Variants in CHD5 observed in about 807,000 individuals in gnomAD.
CHD5 encodes the protein ATP-dependent chromatin remodeler CHD5.
CHD5 carries 69 observed loss-of-function variants against 230.3 expected under a neutral mutation model. That is an observed-to-expected ratio of 0.30 (90% CI 0.25 to 0.37). CHD5 has a LOEUF of 0.37. CHD5 is among the 10% of genes least tolerant of loss of function. The pLI, the probability that CHD5 is intolerant of heterozygous loss-of-function variation, is 1.00. For missense variants in CHD5, 1,827 were observed against 2,622.8 expected (o/e 0.70, Z 6.63); for synonymous variants, 1,064 against 1,065.9 (o/e 1.00, Z 0.03).
In CHD5 at chr1:6,167,811, C is replaced by T. The variant is rs957352610; in HGVS notation, c.207+339G>A. On this transcript the variant is annotated intron_variant, in intron 2 of 41. Coordinates refer to ENST00000262450, the MANE Select transcript of CHD5 (RefSeq NM_015557.3). The surrounding 1 kb of genome is among the most constrained non-coding windows in gnomAD (Gnocchi z 4.5). ...TTCATCAGGTTTCAGTTTAGAGGGA[C>T]GGAGTCAGCTACAGAGCAGGGAGTG... is the stretch of plus-strand genomic sequence containing the variant. 2.0e-5 allele frequency among the ~76,000 whole-genome samples: 3 copies of T among 152,116 alleles called. No individual in the cohort carries two copies. Among genetic ancestry groups the T allele is most frequent in the Admixed American group, 6.5e-5 (1 of 15,274 alleles).
intron 38 of CHD5, among the ~76,000 whole-genome samples, chr1:6,107,237 GATGGAGGGATA>G (rs199733433): frequency 6.1e-5 from 9 of 146,516 alleles, no homozygotes; most frequent in Admixed American, 6.7e-5. Flanking sequence ...ATGATGGAGG[GATGGAGGGATA>G]ATGAAGGGAT....
In CHD5 at chr1:6,105,929, G is replaced by C. The variant is rs1039073509; in HGVS notation, c.*46+305C>G. Among the ~76,000 whole-genome samples, 1 of 152,172 alleles carries C rather than the reference G, an allele frequency of 6.6e-6. No homozygotes were observed. Among genetic ancestry groups the C allele is most frequent in the Admixed American group, 6.5e-5 (1 of 15,282 alleles). On this transcript the variant is annotated intron_variant, in intron 41 of 41. Transcript: ENST00000262450. This position sits in a 1 kb window ranked among gnomAD's most constrained non-coding sequence, Gnocchi z 4.8. ...GGCAGCAGTCTCTGACTTCCGCTGGGAACATGTGTGCAAATGAGAACACAT... is the reference window on the plus strand; with the variant it reads ...GGCAGCAGTCTCTGACTTCCGCTGGCAACATGTGTGCAAATGAGAACACAT...
Position 6,159,309 on chromosome 1 carries a change from TC to T in CHD5, c.387+26del, listed in dbSNP as rs779446279. On this transcript the variant is annotated intron_variant, in intron 3 of 41. Coordinates refer to ENST00000262450, the MANE Select transcript of CHD5 (RefSeq NM_015557.3). Reference sequence around the variant, plus strand: ...CCCCTTAAAGGGGGATGTCGCTCTGTCCCCCCAGCCAGGCCTCCACAGTTAC... The same window carrying T: ...CCCCTTAAAGGGGGATGTCGCTCTGTCCCCCAGCCAGGCCTCCACAGTTAC... 10 of 1,550,256 alleles carry T rather than the reference TC, an allele frequency of 6.5e-6. No individual in the cohort carries two copies. In the East Asian group the frequency reaches 2.2e-4, roughly 34 times the overall value.
Position 6,154,682 on chromosome 1 carries a change from C to G in CHD5, c.723G>C (p.Lys241Asn). ...TACCTTTGCCCTCCTTGGTCTTGGC[C>G]TTGCGGATAGGCACAGGCTGGGGCA... is the stretch of plus-strand genomic sequence containing the variant. ...PQVPQPVPIRKAKTKEGKGPG... is the reference protein window; with the variant it reads ...PQVPQPVPIRNAKTKEGKGPG... The change falls in exon 5 of 42, where the codon AAG (lysine) becomes AAC (asparagine). Residue 241 changes from lysine (K) to asparagine (N), a missense_variant. Around this residue, in one of 14 missense-constraint regions of CHD5, gnomAD observed 657 missense variants for 816.4 expected, o/e 0.80. Coordinates refer to ENST00000262450, the MANE Select transcript of CHD5 (RefSeq NM_015557.3). The surrounding 1 kb of genome is among the most constrained non-coding windows in gnomAD (Gnocchi z 7.0). The G allele has an allele frequency of 6.3e-7, 1 of 1,581,746 alleles. No homozygotes were observed. The highest frequency in any genetic ancestry group is 8.6e-7 in the Non-Finnish European group (1 of 1,162,410).
At chr1:6,140,762 G>A (rs994065005) in intron 15 of CHD5, among the ~76,000 whole-genome samples, 2 of 152,122 alleles carry the variant, frequency 1.3e-5, no homozygotes, top group African/African-American at 4.8e-5. Flanking sequence ...TGCTTTGGGA[G>A]GCTGAGGCAG....
chr1:6,101,904 C>A lies in CHD5; in HGVS notation c.*3570G>T, dbSNP rs906906232. On this transcript the variant is annotated 3_prime_UTR_variant, in exon 42 of 42. Coordinates refer to ENST00000262450, the MANE Select transcript of CHD5 (RefSeq NM_015557.3). ...CTGTCCAGCCTCCCGTGGGCGAAGACCAGACAAGCCACGGCTCACAGGGGA... is the reference window on the plus strand; with the variant it reads ...CTGTCCAGCCTCCCGTGGGCGAAGAACAGACAAGCCACGGCTCACAGGGGA... 5.2e-5 allele frequency: 17 copies of A among 326,622 alleles called. No homozygotes were observed. The highest frequency in any genetic ancestry group is 3.5e-4 in the African/African-American group (15 of 43,256). 20.2% of individuals were successfully genotyped at this position (326,622 alleles called of 1,614,324 possible).
chr1:6,160,111 AAGGGCCCCAGCCAGG>A lies in CHD5; in HGVS notation c.208-611_208-597del, dbSNP rs1181958222. ...CAGAGAAGAAGAACCCCAGCCAGGGAAGGGCCCCAGCCAGGGAAGGGCCCCAGCCAGGGAAGGGCC... is the reference window on the plus strand; with the variant it reads ...CAGAGAAGAAGAACCCCAGCCAGGGAGAAGGGCCCCAGCCAGGGAAGGGCC... On this transcript the variant is annotated intron_variant, in intron 2 of 41. Coordinates refer to ENST00000262450, the MANE Select transcript of CHD5 (RefSeq NM_015557.3). Among the ~76,000 whole-genome samples, 19 of 139,786 alleles carry A rather than the reference AAGGGCCCCAGCCAGG, an allele frequency of 1.4e-4. 1 individual carries two copies. Among genetic ancestry groups the A allele is most frequent in the African/African-American group, 4.6e-4 (16 of 34,862 alleles). 91.7% of individuals were successfully genotyped at this position (139,786 alleles called of 152,430 possible). A position where few individuals can be genotyped will look rare whatever the true frequency, so the allele number is the denominator to read the frequency against.
Position 6,131,573 on chromosome 1 carries a change from C to T in CHD5, c.3262+58G>A, listed in dbSNP as rs1482262043. ...TGGGTGACCTGGCTAAGAACCAGGC[C>T]TGGGAGAAGAGGCCAAAAAGGAGTC... is the stretch of plus-strand genomic sequence containing the variant. On this transcript the variant is annotated intron_variant, in intron 21 of 41. Transcript: ENST00000262450. This position sits in a 1 kb window ranked among gnomAD's most constrained non-coding sequence, Gnocchi z 5.0. 7 of 1,037,734 alleles carry T rather than the reference C, an allele frequency of 6.7e-6. No individual in the cohort carries two copies. Among genetic ancestry groups the T allele is most frequent in the Admixed American group, 1.8e-5 (1 of 56,806 alleles). 64.3% of individuals were successfully genotyped at this position (1,037,734 alleles called of 1,614,324 possible).
intron 2 of CHD5, among the ~76,000 whole-genome samples, chr1:6,160,937 C>T (rs776836758): frequency 1.1e-4 from 16 of 152,338 alleles, no homozygotes; most frequent in South Asian, 4.1e-4. Context: ...CAGCCCCTTC[C>T]CAGGGAGGGG....
In CHD5 at chr1:6,136,541, T is replaced by G. The variant is rs1331526606; in HGVS notation, c.2672A>C (p.Asn891Thr). 2 of 1,614,022 alleles carry G rather than the reference T, an allele frequency of 1.2e-6. No individual in the cohort carries two copies. The highest frequency in any genetic ancestry group is 1.7e-6 in the Non-Finnish European group (2 of 1,180,018). The change falls in exon 17 of 42, where the codon AAC (asparagine) becomes ACC (threonine). Residue 891 changes from asparagine (N) to threonine (T), a missense_variant. By Grantham distance (65) the Asn-to-Thr change is moderately conservative. This residue lies in a region of CHD5 where 52 missense variants were observed against 164.5 expected (regional missense o/e 0.32). Coordinates refer to ENST00000262450, the MANE Select transcript of CHD5 (RefSeq NM_015557.3). ...CTTGAACCTCTCTGGAGTCAGGAAGTTGAGGAGATGGAACAGCTCCTCCAG... is the reference window on the plus strand; with the variant it reads ...CTTGAACCTCTCTGGAGTCAGGAAGGTGAGGAGATGGAACAGCTCCTCCAG... Reference protein sequence around the residue: ...NNLEELFHLLNFLTPERFNNL... With the variant: ...NNLEELFHLLTFLTPERFNNL...
intron 15 of CHD5, 109 bp from the exon 16 acceptor site, chr1:6,136,974 C>A: frequency 8.1e-7 from 1 of 1,241,816 alleles, no homozygotes; most frequent in Non-Finnish European, 1.1e-6. Flanking sequence ...CACAAAGGCT[C>A]CACGGAGCCC....
rs180847070 is a variant in CHD5 at position 6,177,975 on chromosome 1, A to C, written c.79+1970T>G. Among the ~76,000 whole-genome samples, 788 of 152,256 alleles carry C rather than the reference A, an allele frequency of 5.2e-3. 2 individuals are homozygous for C. Among genetic ancestry groups the C allele is most frequent in the African/African-American group, 0.017 (717 of 41,548 alleles). ...AGCTGCTGTGCAGTGGGTGGTCAGA[A>C]GGAGTGGGTAGAAGGCCCTGGAGGG... On this transcript the variant is annotated intron_variant, in intron 1 of 41. Coordinates refer to ENST00000262450, the MANE Select transcript of CHD5 (RefSeq NM_015557.3).
At chr1:6,158,252 T>C (rs1259574604) in intron 3 of CHD5, among the ~76,000 whole-genome samples, 2 of 152,168 alleles carry the variant, frequency 1.3e-5, no homozygotes, top group Non-Finnish European at 2.9e-5. Flanking sequence ...ATTTCCCATG[T>C]TCCTGGGGAC....
In CHD5 at chr1:6,112,225, G is replaced by A. The variant is rs751350223; in HGVS notation, c.5055C>T (p.Asp1685=). 4.6e-5 allele frequency: 74 copies of A among 1,613,796 alleles called. No individual in the cohort carries two copies. Among genetic ancestry groups the A allele is most frequent in the Non-Finnish European group, 5.8e-5 (68 of 1,179,980 alleles). ...KEPIETQQNG[D]KEEDDEGKKE... ...TCTTCCCCTCGTCATCTTCCTCTTTGTCACCATTTTGCTGTGTTTCAATGG... is the reference window on the plus strand; with the variant it reads ...TCTTCCCCTCGTCATCTTCCTCTTTATCACCATTTTGCTGTGTTTCAATGG... The change falls in exon 35 of 42, where the codon GAC becomes GAT. Residue 1685 remains aspartate, a synonymous_variant. Transcript: ENST00000262450.
chr1:6,137,148 C>A (rs146044063), intron 15 of CHD5, among the ~76,000 whole-genome samples: 1 of 152,120 alleles, frequency 6.6e-6, no homozygotes, highest in Non-Finnish European at 1.5e-5. Flanking sequence ...CTCCCACCCC[C>A]CAGCGTGGAG....
At chr1:6,173,108 CT>C (rs371953368) in intron 1 of CHD5, among the ~76,000 whole-genome samples, 35,118 of 137,932 alleles carry the variant, frequency 0.25, 7,378 homozygotes, top group African/African-American at 0.59. Context: ...GGCGTTATTT[CT>C]TTTTTTTTTT....
At chr1:6,158,179 G>T (rs1667109082) in intron 3 of CHD5, among the ~76,000 whole-genome samples, 3 of 152,156 alleles carry the variant, frequency 2.0e-5, no homozygotes, top group Non-Finnish European at 4.4e-5. Flanking sequence ...GAGCCCCAGG[G>T]TGCAGCCTCT....
chr1:6,149,130 C>T (rs989723740), intron 8 of CHD5, 55 bp from the exon 9 acceptor site: 47 of 1,467,984 alleles, frequency 3.2e-5, no homozygotes, highest in Non-Finnish European at 4.1e-5. Context: ...CTCCACCAGG[C>T]CCGACTCCCT....
chr1:6,127,864 G>A (rs1223618412), intron 25 of CHD5, among the ~76,000 whole-genome samples, 182 bp downstream of exon 25: 2 of 152,124 alleles, frequency 1.3e-5, no homozygotes, highest in Non-Finnish European at 2.9e-5. Context: ...GGAGGGCGGA[G>A]CACACGCTGG....
Sources: allele counts gnomAD v4.1 joint callset (sites outside exome capture counted in the v4.1 genomes callset), GRCh38; gene constraint gnomAD v4.1.1; regional missense constraint gnomAD v4.1.1; non-coding constraint Gnocchi (gnomAD v3.1); transcripts MANE v1.5; gene names NCBI Gene and HGNC (gene_info 2026-07-23, HGNC 2026-07-21).